The following DOK6 variants were observed in gnomAD, a reference collection of about 807,000 sequenced individuals.
The protein encoded by DOK6 is docking protein 6.
In DOK6, 22 loss-of-function variants were observed where a neutral mutation model predicts 44.0. The ratio of observed to expected loss-of-function variants is 0.50; its 90% CI spans 0.36 to 0.71. DOK6 has a LOEUF of 0.71. Among genes scored for constraint, DOK6 ranks in the 30% least tolerant of loss-of-function variants. The pLI is 0.00. For missense variants in DOK6, 340 were observed against 416.4 expected (o/e 0.82, Z 1.60); for synonymous variants, 166 against 145.5 (o/e 1.14, Z -1.01).
chr18:69,606,582 A>G (rs865785647), intron 3 of DOK6, among the ~76,000 whole-genome samples: 69 of 151,968 alleles, frequency 4.5e-4, no homozygotes, highest in African/African-American at 1.4e-3. Context: ...GAAACAAAAG[A>G]CGTCCAAATT....
intron 1 of DOK6, among the ~76,000 whole-genome samples, chr18:69,535,343 G>T (rs1242972294): frequency 6.6e-6 from 1 of 151,662 alleles, no homozygotes; most frequent in Non-Finnish European, 1.5e-5. Flanking sequence ...TTTGTTGCTG[G>T]TAGACAGGAA....
chr18:69,585,072 T>C (rs1359661543), intron 2 of DOK6, among the ~76,000 whole-genome samples: 2 of 152,070 alleles, frequency 1.3e-5, no homozygotes, highest in East Asian at 1.9e-4. Context: ...TTTATGGAAA[T>C]GCTCTGTTGC....
chr18:69,587,525 C>A (rs533537594), intron 2 of DOK6, among the ~76,000 whole-genome samples: 1 of 152,084 alleles, frequency 6.6e-6, no homozygotes, highest in Non-Finnish European at 1.5e-5. Context: ...AGGGCACATA[C>A]GCAGGTTCTA....
intron 7 of DOK6, among the ~76,000 whole-genome samples, chr18:69,815,998 T>G (rs764018362): frequency 3.9e-5 from 6 of 152,164 alleles, no homozygotes; most frequent in African/African-American, 1.2e-4. Context: ...TCTGTGGACA[T>G]GATTATGTTT....
chr18:69,491,790 A>G (rs1980741477), intron 1 of DOK6, among the ~76,000 whole-genome samples: 1 of 152,218 alleles, frequency 6.6e-6, no homozygotes, highest in Admixed American at 6.5e-5. Context: ...ATTTGTTTAG[A>G]ATAGGTTGCC....
chr18:69,591,308 T>C (rs183303266), intron 2 of DOK6, among the ~76,000 whole-genome samples: 2 of 152,244 alleles, frequency 1.3e-5, no homozygotes, highest in Admixed American at 1.3e-4. Context: ...GGAGAGCACA[T>C]GTGTGATGGT....
chr18:69,425,537 C>T (rs889217208), intron 1 of DOK6, among the ~76,000 whole-genome samples: 1 of 151,808 alleles, frequency 6.6e-6, no homozygotes, highest in Admixed American at 6.6e-5. Context: ...TAAGATCTCA[C>T]TAAAATGTAT....
intron 3 of DOK6, among the ~76,000 whole-genome samples, chr18:69,627,446 T>TTTTA (rs926645746): frequency 3.3e-5 from 5 of 152,160 alleles, no homozygotes; most frequent in African/African-American, 1.2e-4. Flanking sequence ...CTTATTTTTA[T>TTTTA]TTTATTTATT....
intron 6 of DOK6, among the ~76,000 whole-genome samples, chr18:69,742,531 A>C (rs1978840031): frequency 6.6e-6 from 1 of 152,252 alleles, no homozygotes; most frequent in Admixed American, 6.5e-5. Context: ...GATAATTAGA[A>C]GTGAATGTCT....
chr18:69,606,211 G>A (rs1349827536), intron 3 of DOK6, among the ~76,000 whole-genome samples: 1 of 151,886 alleles, frequency 6.6e-6, no homozygotes, highest in Non-Finnish European at 1.5e-5. Flanking sequence ...GGCAGAGGTT[G>A]CAGTAAGCTG....
At chr18:69,477,933 C>T (rs2119961) in intron 1 of DOK6, among the ~76,000 whole-genome samples, 27,547 of 151,768 alleles carry the variant, frequency 0.18, 2,995 homozygotes, top group Non-Finnish European at 0.22. Context: ...TCATTTAGGC[C>T]GAATCTGTCA....
intron 3 of DOK6, among the ~76,000 whole-genome samples, chr18:69,619,018 A>G (rs1984377268): frequency 6.6e-6 from 1 of 152,230 alleles, no homozygotes; most frequent in South Asian, 2.1e-4. Context: ...TAAGTAAAAT[A>G]TAACAAACAT....
chr18:69,747,593 G>GC (rs1356674601), intron 6 of DOK6, among the ~76,000 whole-genome samples: 3 of 148,276 alleles, frequency 2.0e-5, no homozygotes, highest in South Asian at 4.3e-4. Flanking sequence ...TTTCCGCTCC[G>GC]CCCCCTCCCC....
At chr18:69,675,746 A>T (rs1288729404) in intron 3 of DOK6, among the ~76,000 whole-genome samples, 2 of 152,170 alleles carry the variant, frequency 1.3e-5, no homozygotes, top group African/African-American at 4.8e-5. Flanking sequence ...GATACATAGC[A>T]TGTAAATTGG....
chr18:69,465,015 C>G (rs1011218293), intron 1 of DOK6, among the ~76,000 whole-genome samples: 1 of 152,038 alleles, frequency 6.6e-6, no homozygotes, highest in African/African-American at 2.4e-5. Context: ...TACTAATAAA[C>G]GAAAGAAGTT....
chr18:69,827,081 G>A (rs1981762214), intron 7 of DOK6, among the ~76,000 whole-genome samples: 1 of 152,108 alleles, frequency 6.6e-6, no homozygotes, highest in South Asian at 2.1e-4. Context: ...ATAGTATAGT[G>A]GAAACAGAGT....
chr18:69,636,021 C>T lies in DOK6; in HGVS notation c.289+36523C>T, dbSNP rs117574119. 6.9e-4 allele frequency among the ~76,000 whole-genome samples: 105 copies of T among 152,168 alleles called. No individual in the cohort carries two copies. In the East Asian group the frequency reaches 0.017, roughly 25 times the overall value. Reference sequence around the variant, plus strand: ...GTAGAGATAGTGCTGCTGATGTCTGCGGTATGGAAGAATGGTGAGTAGAGG... The same window carrying T: ...GTAGAGATAGTGCTGCTGATGTCTGTGGTATGGAAGAATGGTGAGTAGAGG... On this transcript the variant is annotated intron_variant, in intron 3 of 7. Coordinates refer to ENST00000382713, the MANE Select transcript of DOK6 (RefSeq NM_152721.6).
intron 1 of DOK6, among the ~76,000 whole-genome samples, chr18:69,559,029 A>G (rs897565802): frequency 1.3e-5 from 2 of 152,180 alleles, no homozygotes; most frequent in Admixed American, 6.5e-5. Flanking sequence ...TAAACAGTCT[A>G]TTACATAGAA....
At chr18:69,796,341 T>G (rs1288127131) in intron 7 of DOK6, among the ~76,000 whole-genome samples, 8 of 152,154 alleles carry the variant, frequency 5.3e-5, no homozygotes, top group African/African-American at 1.7e-4. Context: ...GCAACGATAA[T>G]AGCAGAGTGC....
Sources: gnomAD v4.1 joint callset for allele counts (sites outside exome capture counted in the v4.1 genomes callset) on GRCh38, gnomAD v4.1.1 for gene constraint, MANE v1.5 for transcripts, NCBI Gene and HGNC (gene_info 2026-07-23, HGNC 2026-07-21) for gene names.